Variants in CLIP2 observed in about 807,000 individuals in gnomAD.
The protein encoded by CLIP2 is CAP-Gly domain-containing linker protein 2.
In CLIP2, 41 loss-of-function variants were observed where a neutral mutation model predicts 111.7. The ratio of observed to expected loss-of-function variants is 0.37; its 90% CI spans 0.29 to 0.48. The LOEUF (loss-of-function observed/expected upper bound fraction) is 0.48. CLIP2 is among the 20% of genes least tolerant of loss of function. CLIP2 has a pLI of 0.99. For missense variants in CLIP2, 1,160 were observed against 1,422.1 expected, an observed-to-expected ratio of 0.82 and a Z score of 2.96; for synonymous variants, 660 against 644.2, an observed-to-expected ratio of 1.02 and a Z score of -0.37.
chr7:74,363,160 A>T (rs974075655), intron 7 of CLIP2, among the ~76,000 whole-genome samples: 96 of 151,982 alleles, frequency 6.3e-4, no homozygotes, highest in African/African-American at 2.0e-3. Flanking sequence ...ATGCGCCACC[A>T]CGCCCCGCTA....
Position 74,308,082 on chromosome 7 carries a change from G to A in CLIP2, c.-67-9398G>A, listed in dbSNP as rs1224629033. Among the ~76,000 whole-genome samples the A allele has an allele frequency of 8.5e-5, 13 of 152,300 alleles. No individual in the cohort carries two copies. The East Asian group carries it at 2.3e-3, about 27-fold the overall frequency. On this transcript the variant is annotated intron_variant, in intron 1 of 16. Coordinates refer to ENST00000223398, the MANE Select transcript of CLIP2 (RefSeq NM_003388.5). ...CTCTCTCCTCCTTGGCTCCACATGT[G>A]ATCCTGAGGTCTCTGTGGGCCGAAG...
intron 10 of CLIP2, among the ~76,000 whole-genome samples, chr7:74,378,000 A>C (rs1790840123): frequency 6.6e-6 from 1 of 151,934 alleles, no homozygotes; most frequent in Non-Finnish European, 1.5e-5. Flanking sequence ...TAATTCTTAT[A>C]TTTTTAGTAG....
intron 8 of CLIP2, among the ~76,000 whole-genome samples, chr7:74,371,929 C>T (rs188418928): frequency 1.3e-5 from 2 of 152,082 alleles, no homozygotes; most frequent in Non-Finnish European, 2.9e-5. Context: ...GACAAGCTTC[C>T]GGGGTTTTAT....
chr7:74,354,388 T>C (rs568151568), intron 4 of CLIP2, among the ~76,000 whole-genome samples: 1 of 151,906 alleles, frequency 6.6e-6, no homozygotes. Context: ...CTGAGGCAGG[T>C]GGATCACTTG....
At chr7:74,307,613 C>T (rs1788531415) in intron 1 of CLIP2, among the ~76,000 whole-genome samples, 1 of 152,156 alleles carries the variant, frequency 6.6e-6, no homozygotes, top group Non-Finnish European at 1.5e-5. Context: ...GCCTCAGCCT[C>T]CCTAGTAGCT....
rs1562706985 is a variant in CLIP2, at chr7:74,356,484, C to G, written c.878C>G (p.Thr293Ser). 6.2e-7 allele frequency: 1 copy of G among 1,614,210 alleles called. No homozygotes were observed. Among genetic ancestry groups the G allele is most frequent in the Non-Finnish European group, 8.5e-7 (1 of 1,180,046 alleles). Residue 293 changes from threonine to serine, a missense_variant, in exon 5 of 17, where the codon ACC becomes AGC. By Grantham distance (58) the Thr-to-Ser change is moderately conservative. Coordinates refer to ENST00000223398, the MANE Select transcript of CLIP2 (RefSeq NM_003388.5). ...HKVIRIGFPSTSPAKAKKTKR... is the reference protein window; with the variant it reads ...HKVIRIGFPSSSPAKAKKTKR... ...GTGATCCGTATCGGCTTCCCATCTA[C>G]CAGCCCAGCCAAGGCCAAGAAGACC...
intron 2 of CLIP2, among the ~76,000 whole-genome samples, chr7:74,331,658 C>T (rs1554731324): frequency 6.9e-6 from 1 of 144,332 alleles, no homozygotes; most frequent in Non-Finnish European, 1.5e-5. Flanking sequence ...ACTGCAGCCT[C>T]TGCCTCCTGG....
At chr7:74,388,327 TCACA>T (rs563936195) in intron 12 of CLIP2, among the ~76,000 whole-genome samples, 104 of 151,296 alleles carry the variant, frequency 6.9e-4, no homozygotes, top group African/African-American at 2.5e-3. Context: ...TGAGACTCTA[TCACA>T]CACACACACA....
intron 3 of CLIP2, among the ~76,000 whole-genome samples, chr7:74,349,338 G>A (rs1159189726): frequency 6.7e-6 from 1 of 150,306 alleles, no homozygotes; most frequent in Non-Finnish European, 1.5e-5. Context: ...GGCTGAGGCA[G>A]GAGAATCACT....
intron 10 of CLIP2, among the ~76,000 whole-genome samples, chr7:74,379,401 T>G (rs1554313521): frequency 6.6e-6 from 1 of 151,960 alleles, no homozygotes; most frequent in Non-Finnish European, 1.5e-5. Flanking sequence ...TATGTCCCCA[T>G]GTTCAGAGGT....
At chr7:74,359,848 T>C (rs1209404296) in intron 6 of CLIP2, among the ~76,000 whole-genome samples, 2 of 152,218 alleles carry the variant, frequency 1.3e-5, no homozygotes, top group African/African-American at 4.8e-5. Context: ...CCAGGATCAA[T>C]AGGCCAAGTT....
intron 1 of CLIP2, among the ~76,000 whole-genome samples, chr7:74,314,351 C>T (rs1554728870): frequency 6.6e-6 from 1 of 151,896 alleles, no homozygotes; most frequent in African/African-American, 2.4e-5. Flanking sequence ...ATTAGCCAGG[C>T]ATGGTGGCAG....
chr7:74,322,458 A>G (rs1788986792), intron 2 of CLIP2, among the ~76,000 whole-genome samples: 1 of 151,994 alleles, frequency 6.6e-6, no homozygotes, highest in South Asian at 2.1e-4. Flanking sequence ...ATACAAAAAA[A>G]TTAGCCTGGC....
At chr7:74,366,482 C>G (rs512023) in intron 8 of CLIP2, among the ~76,000 whole-genome samples, 50,906 of 152,170 alleles carry the variant, frequency 0.33, 9,764 homozygotes, top group Middle Eastern at 0.48. Flanking sequence ...GAGGAAGAAG[C>G]AAGCACCTGT....
intron 1 of CLIP2, among the ~76,000 whole-genome samples, chr7:74,290,012 G>T (rs1416443291): frequency 2.0e-5 from 3 of 152,194 alleles, no homozygotes; most frequent in Non-Finnish European, 4.4e-5. Context: ...CCTGTTGAAG[G>T]CATCACCAGC....
chr7:74,380,649 T>C, intron 10 of CLIP2, 157 bp from the exon 11 acceptor site: 1 of 589,006 alleles, frequency 1.7e-6, no homozygotes, highest in East Asian at 2.8e-5. Flanking sequence ...TGAGGACGTC[T>C]GCACTCCCTG....
chr7:74,399,925 C>A (rs1791571936), intron 14 of CLIP2, among the ~76,000 whole-genome samples: 1 of 151,374 alleles, frequency 6.6e-6, no homozygotes, highest in East Asian at 2.0e-4. Flanking sequence ...GAAGCCGAGG[C>A]GGGTGGATCA....
chr7:74,368,691 A>G (rs782412255), intron 8 of CLIP2, among the ~76,000 whole-genome samples: 26 of 152,226 alleles, frequency 1.7e-4, no homozygotes, highest in Middle Eastern at 3.4e-3. Flanking sequence ...CTGTTCCTCC[A>G]AAGTCCATTC....
intron 4 of CLIP2, 134 bp downstream of exon 4, chr7:74,354,138 C>G: frequency 8.9e-7 from 1 of 1,124,946 alleles, no homozygotes; most frequent in South Asian, 1.5e-5. Context: ...CTTTCCCATT[C>G]CCTCCTTCCC....
Sources: allele counts gnomAD v4.1 joint callset (sites outside exome capture counted in the v4.1 genomes callset), GRCh38; gene constraint gnomAD v4.1.1; transcripts MANE v1.5; gene names NCBI Gene and HGNC (gene_info 2026-07-23, HGNC 2026-07-21).